Variants in GTF2F2 observed in about 807,000 individuals in gnomAD.
GTF2F2 encodes the protein ATP-dependent helicase GTF2F2.
A neutral mutation model predicts 42.2 loss-of-function variants in GTF2F2; 23 were observed. The ratio of observed to expected loss-of-function variants is 0.55; its 90% CI spans 0.39 to 0.77. The LOEUF (loss-of-function observed/expected upper bound fraction) is 0.77, where lower values mean the gene tolerates loss of function less well. GTF2F2 is among the 30% of genes least tolerant of loss of function. GTF2F2 has a pLI of 0.00. For synonymous variants in GTF2F2, 105 were observed against 100.8 expected (o/e 1.04, Z -0.25); for missense variants, 261 against 287.2 (o/e 0.91, Z 0.66).
intron 5 of GTF2F2, among the ~76,000 whole-genome samples, chr13:45,211,352 G>A (rs1201884069): frequency 2.0e-5 from 3 of 149,542 alleles, no homozygotes; most frequent in Admixed American, 6.7e-5. Flanking sequence ...TTATCACTAA[G>A]GTGAGGCTCA....
chr13:45,221,258 A>G (rs1285623014), intron 5 of GTF2F2, among the ~76,000 whole-genome samples: 1 of 152,120 alleles, frequency 6.6e-6, no homozygotes, highest in Non-Finnish European at 1.5e-5. Context: ...GACAAGACAC[A>G]TCTAGTCAAT....
chr13:45,211,620 T>A, intron 5 of GTF2F2, among the ~76,000 whole-genome samples: 1 of 149,532 alleles, frequency 6.7e-6, no homozygotes, highest in Non-Finnish European at 1.5e-5. Context: ...GGAGTTTTGC[T>A]CTCGTTGCCC....
chr13:45,127,477 C>A (rs554070328), intron 1 of GTF2F2, among the ~76,000 whole-genome samples: 121 of 151,232 alleles, frequency 8.0e-4, no homozygotes, highest in Non-Finnish European at 1.4e-3. Flanking sequence ...AGGCATGTGT[C>A]ACCACGCCCA....
chr13:45,122,478 A>T (rs35658690), intron 1 of GTF2F2, among the ~76,000 whole-genome samples: 14,575 of 151,940 alleles, frequency 0.096, 1,812 homozygotes, highest in African/African-American at 0.29. Context: ...TACTAAAAAT[A>T]CAAAAATCAG....
chr13:45,235,203 G>A lies in GTF2F2; in HGVS notation c.387-17668G>A, dbSNP rs368463674. On this transcript the variant is annotated intron_variant, in intron 5 of 7. Transcript: ENST00000340473. The stretch of plus-strand genomic sequence containing the variant: ...TAAACTTATAAATATTAGTGTTTCT[G>A]TTATGAAACTGAATTAATTTATTAT... Among the ~76,000 whole-genome samples, 9 of 151,990 alleles carry A rather than the reference G, an allele frequency of 5.9e-5. No individual in the cohort carries two copies. In the East Asian group the frequency reaches 1.5e-3, roughly 26 times the overall value.
intron 1 of GTF2F2, chr13:45,124,115 G>C: frequency 1.4e-6 from 1 of 725,124 alleles, no homozygotes. Context: ...GTCGTTGAGG[G>C]CAATGCCAGC....
At chr13:45,258,475 C>T (rs1486652962) in intron 6 of GTF2F2, among the ~76,000 whole-genome samples, 1 of 152,156 alleles carries the variant, frequency 6.6e-6, no homozygotes, top group Admixed American at 6.5e-5. Context: ...GCCTGCAGAC[C>T]TCTTGCCACC....
intron 6 of GTF2F2, among the ~76,000 whole-genome samples, chr13:45,261,296 C>T (rs921978890): frequency 6.6e-6 from 1 of 151,552 alleles, no homozygotes; most frequent in East Asian, 1.9e-4. Flanking sequence ...TGTGGTGGCA[C>T]GCGCCTGTAG....
intron 4 of GTF2F2, among the ~76,000 whole-genome samples, chr13:45,171,468 A>G (rs1305657867): frequency 2.6e-5 from 4 of 152,150 alleles, no homozygotes; most frequent in Admixed American, 2.6e-4. Flanking sequence ...ACCATTTTGT[A>G]CCTTTGCAAT....
Position 45,232,888 on chromosome 13 carries a change from G to T in GTF2F2, c.387-19983G>T, listed in dbSNP as rs546557510. On this transcript the variant is annotated intron_variant, in intron 5 of 7. Transcript: ENST00000340473. ...AAATACATTTTCTTTGATAGACATT[G>T]TTTGGAGAAGTTAGTATAGCCTGTT... 3.9e-5 allele frequency among the ~76,000 whole-genome samples: 6 copies of T among 152,246 alleles called. No individual in the cohort carries two copies. The South Asian group carries it at 1.0e-3, about 26-fold the overall frequency.
At chr13:45,245,666 A>AATATATACATAT (rs1875551183) in intron 5 of GTF2F2, among the ~76,000 whole-genome samples, 3 of 110,848 alleles carry the variant, frequency 2.7e-5, no homozygotes, top group African/African-American at 7.8e-5. Flanking sequence ...CCATGGTGTG[A>AATATATACATAT]ATATATATAT....
At chr13:45,228,359 A>G (rs551373751) in intron 5 of GTF2F2, among the ~76,000 whole-genome samples, 10 of 141,296 alleles carry the variant, frequency 7.1e-5, no homozygotes, top group Admixed American at 2.9e-4. Context: ...GGAATTACCA[A>G]TGAGGAATCC....
chr13:45,131,494 TC>T (rs1869345838), intron 1 of GTF2F2, among the ~76,000 whole-genome samples: 1 of 152,148 alleles, frequency 6.6e-6, no homozygotes, highest in Admixed American at 6.5e-5. Flanking sequence ...AACCCTGTGA[TC>T]AGTTTCAGTG....
intron 5 of GTF2F2, among the ~76,000 whole-genome samples, chr13:45,210,913 TA>T (rs1242376531): frequency 1.1e-4 from 16 of 152,204 alleles, no homozygotes; most frequent in African/African-American, 3.9e-4. Context: ...GAAGCAGATA[TA>T]ATAATCCAGG....
chr13:45,155,279 AAAT>A, intron 4 of GTF2F2, among the ~76,000 whole-genome samples: 1 of 152,214 alleles, frequency 6.6e-6, no homozygotes, highest in South Asian at 2.1e-4. Context: ...ATTGAAATAT[AAAT>A]GAAGTAGGCA....
intron 6 of GTF2F2, among the ~76,000 whole-genome samples, chr13:45,255,026 G>C (rs1876041079): frequency 6.6e-6 from 1 of 151,962 alleles, no homozygotes; most frequent in African/African-American, 2.4e-5. Context: ...AATTAGCCAG[G>C]AGTGGTGGCA....
intron 5 of GTF2F2, among the ~76,000 whole-genome samples, chr13:45,246,075 C>A (rs1450731281): frequency 6.6e-6 from 1 of 150,656 alleles, no homozygotes; most frequent in Non-Finnish European, 1.5e-5. Flanking sequence ...GTGGCCGGAT[C>A]TCAGCTCACT....
chr13:45,244,980 C>T (rs758602292), intron 5 of GTF2F2, among the ~76,000 whole-genome samples: 3 of 152,088 alleles, frequency 2.0e-5, no homozygotes, highest in Non-Finnish European at 4.4e-5. Flanking sequence ...ATTTCTTGTC[C>T]GGAGAAATGA....
At chr13:45,121,235 A>G (rs1440930256) in intron 1 of GTF2F2, among the ~76,000 whole-genome samples, 1 of 152,224 alleles carries the variant, frequency 6.6e-6, no homozygotes, top group East Asian at 1.9e-4. Flanking sequence ...AGGAGAGGTC[A>G]TTGGACTGGA....
Sources: allele counts gnomAD v4.1 joint callset (sites outside exome capture counted in the v4.1 genomes callset), GRCh38; gene constraint gnomAD v4.1.1; transcripts MANE v1.5; gene names NCBI Gene and HGNC (gene_info 2026-07-23, HGNC 2026-07-21).